Variants in GFPT2 observed in about 807,000 individuals in gnomAD.
The protein encoded by GFPT2 is glutamine--fructose-6-phosphate transaminase 2, also known as glutamine--fructose-6-phosphate aminotransferase [isomerizing] 2.
GFPT2 carries 62 observed loss-of-function variants against 85.6 expected under a neutral mutation model. That is an observed-to-expected ratio of 0.72 (90% CI 0.59 to 0.90). The LOEUF is 0.90. GFPT2 is among the 40% of genes least tolerant of loss of function. GFPT2 has a pLI of 0.00. For synonymous variants in GFPT2, 368 were observed against 344.5 expected (o/e 1.07, Z -0.75); for missense variants, 788 against 893.4 (o/e 0.88, Z 1.50).
Position 180,302,552 on chromosome 5 carries a change from A to T in GFPT2, c.1875T>A (p.Asp625Glu). 6.2e-7 allele frequency: 1 copy of T among 1,614,060 alleles called. No individual in the cohort carries two copies. Among genetic ancestry groups the T allele is most frequent in the Non-Finnish European group, 8.5e-7 (1 of 1,179,920 alleles). Reference protein sequence around the residue: ...GRPIILCSKDDTESSKFAYKT... With the variant: ...GRPIILCSKDETESSKFAYKT... ...TATACGCAAACTTGGAACTTTCAGT[A>T]TCGTCCTTGGAGCACAGTATAATGG... The change falls in exon 18 of 19, where the codon GAT (aspartate) becomes GAA (glutamate). Residue 625 changes from aspartate (D) to glutamate (E), a missense_variant. Coordinates refer to ENST00000253778, the MANE Select transcript of GFPT2 (RefSeq NM_005110.4).
At chr5:180,310,058 C>T (rs1763850688) in intron 15 of GFPT2, among the ~76,000 whole-genome samples, 1 of 151,722 alleles carries the variant, frequency 6.6e-6, no homozygotes, top group African/African-American at 2.4e-5. Context: ...GATCTGCCTG[C>T]CTCGACCTCC....
chr5:180,331,771 A>G (rs1764305354), intron 4 of GFPT2: 1 of 562,254 alleles, frequency 1.8e-6, no homozygotes, highest in Non-Finnish European at 3.2e-6. Flanking sequence ...CGGCTACTAC[A>G]ATGGGATCCG....
intron 14 of GFPT2, 152 bp downstream of exon 14, chr5:180,313,655 G>A (rs1763943058): frequency 2.4e-6 from 1 of 421,558 alleles, no homozygotes; most frequent in Non-Finnish European, 4.1e-6. Context: ...ATCCAAGAGG[G>A]GAGGGGAAAG....
chr5:180,328,270 G>T lies in GFPT2; in HGVS notation c.596+7C>A. 1 of 1,598,400 alleles carries T rather than the reference G, an allele frequency of 6.3e-7. No homozygotes were observed. Among genetic ancestry groups the T allele is most frequent in the Non-Finnish European group, 8.6e-7 (1 of 1,165,732 alleles). On this transcript the variant is annotated splice_region_variant and intron_variant, in intron 7 of 18. Transcript: ENST00000253778. The surrounding 1 kb of genome is among the most constrained non-coding windows in gnomAD (Gnocchi z 5.4). Reference sequence around the variant, plus strand: ...CTTATGGGAAATGCCAGTGTGTTTTGCCTCACCGTGTGGCAACGGCTTCTC... The same window carrying T: ...CTTATGGGAAATGCCAGTGTGTTTTTCCTCACCGTGTGGCAACGGCTTCTC...
At chr5:180,340,914 C>A (rs1328818652) in intron 1 of GFPT2, among the ~76,000 whole-genome samples, 2 of 152,176 alleles carry the variant, frequency 1.3e-5, no homozygotes, top group African/African-American at 2.4e-5. Context: ...GACCACCATG[C>A]AGCTGAGGAT....
intron 1 of GFPT2, among the ~76,000 whole-genome samples, chr5:180,343,983 C>T (rs528448378): frequency 4.1e-4 from 63 of 152,354 alleles, no homozygotes; most frequent in African/African-American, 1.5e-3. Context: ...CATGTGCACA[C>T]GTGCGAGGAC....
At position 180,302,408 on chromosome 5, in the gene GFPT2, A is replaced by G. The variant is rs1472272731; in HGVS notation, c.2004+15T>C. On this transcript the variant is annotated intron_variant, in intron 18 of 18. Coordinates refer to ENST00000253778, the MANE Select transcript of GFPT2 (RefSeq NM_005110.4). ...GTCTCTCCTCTCTGCTGTTAGGTGCAGTTTTTAGACGCACGTCATATCCTC... is the reference window on the plus strand; with the variant it reads ...GTCTCTCCTCTCTGCTGTTAGGTGCGGTTTTTAGACGCACGTCATATCCTC... The G allele has an allele frequency of 6.2e-6, 10 of 1,607,326 alleles. No individual in the cohort carries two copies. The African/African-American group carries it at 1.1e-4, about 17-fold the overall frequency.
In GFPT2 at chr5:180,307,313, G is replaced by T. The variant is rs1234205973; in HGVS notation, c.1547-10C>A. 1.2e-6 allele frequency: 2 copies of T among 1,613,614 alleles called. No individual in the cohort carries two copies. The highest frequency in any genetic ancestry group is 2.2e-5 in the South Asian group (2 of 91,056). ...ACTTCCTTGATCAGCTCTGGGCCAT[G>T]CACGGAGCAGAGGGAGAAAACCAGT... On this transcript the variant is annotated splice_polypyrimidine_tract_variant and intron_variant, in intron 15 of 18. Coordinates refer to ENST00000253778, the MANE Select transcript of GFPT2 (RefSeq NM_005110.4).
chr5:180,302,368 G>C, intron 18 of GFPT2, 55 bp downstream of exon 18: 1 of 1,338,558 alleles, frequency 7.5e-7, no homozygotes, highest in Non-Finnish European at 1.1e-6. Flanking sequence ...GAACAGAAAG[G>C]AACTCTGGGG....
At chr5:180,342,635 C>G (rs529226918) in intron 1 of GFPT2, among the ~76,000 whole-genome samples, 9 of 152,270 alleles carry the variant, frequency 5.9e-5, no homozygotes, top group African/African-American at 2.2e-4. Flanking sequence ...AGCGCAGTGG[C>G]TCACGCCTGT....
chr5:180,312,512 C>T lies in GFPT2; in HGVS notation c.1464G>A (p.Met488Ile), dbSNP rs541208940. Reference sequence around the variant, plus strand: ...GGTCTTCAGACATCATCAAACCAAACATCACCAGAGAGATGAACTGACTGG... The same window carrying T: ...GGTCTTCAGACATCATCAAACCAAATATCACCAGAGAGATGAACTGACTGG... ...AYTSQFISLV[M>I]FGLMMSEDRI... is the part of the protein sequence containing the mutation. The change falls in exon 15 of 19, where the codon ATG becomes ATA. Residue 488 changes from methionine (M) to isoleucine (I), a missense_variant. Coordinates refer to ENST00000253778, the MANE Select transcript of GFPT2 (RefSeq NM_005110.4). 1.2e-6 allele frequency: 2 copies of T among 1,607,572 alleles called. No homozygotes were observed. The highest frequency in any genetic ancestry group is 1.7e-6 in the Non-Finnish European group (2 of 1,173,968).
At chr5:180,307,155 G>T (rs1561871609) in intron 16 of GFPT2, 21 bp downstream of exon 16, 1 of 960,438 alleles carries the variant, frequency 1.0e-6, no homozygotes. Flanking sequence ...GTGGGGGTGG[G>T]GGCTGGGGGT....
At position 180,312,195 on chromosome 5, in the gene GFPT2, C is replaced by CA. The variant is rs1763906658; in HGVS notation, c.1546+234_1546+235insT. Among the ~76,000 whole-genome samples the CA allele has an allele frequency of 3.0e-5, 2 of 67,128 alleles. 1 individual carries two copies. Among genetic ancestry groups the CA allele is most frequent in the Non-Finnish European group, 5.6e-5 (2 of 35,958 alleles). 44.0% of individuals were successfully genotyped at this position (67,128 alleles called of 152,430 possible). On this transcript the variant is annotated intron_variant, in intron 15 of 18. Coordinates refer to ENST00000253778, the MANE Select transcript of GFPT2 (RefSeq NM_005110.4). Reference sequence around the variant, plus strand: ...GCAGGGAGGCTGAGGACCAGGGAGGCGGGGAGGCAGGGAGGCAGGGAGGCA... The same window carrying CA: ...GCAGGGAGGCTGAGGACCAGGGAGGCAGGGGAGGCAGGGAGGCAGGGAGGCA...
intron 16 of GFPT2, among the ~76,000 whole-genome samples, 164 bp from the exon 17 acceptor site, chr5:180,305,103 C>T (rs1160480314): frequency 6.6e-6 from 1 of 152,100 alleles, no homozygotes; most frequent in Non-Finnish European, 1.5e-5. Flanking sequence ...ACTGAGGACA[C>T]CCAGCAAGGG....
At chr5:180,342,470 T>C (rs541810707) in intron 1 of GFPT2, among the ~76,000 whole-genome samples, 85 of 150,322 alleles carry the variant, frequency 5.7e-4, no homozygotes, top group African/African-American at 2.0e-3. Flanking sequence ...AGTGCAGTGT[T>C]GTGATCTCGG....
intron 17 of GFPT2, among the ~76,000 whole-genome samples, chr5:180,303,005 G>A (rs543340870): frequency 1.1e-4 from 16 of 151,600 alleles, no homozygotes; most frequent in African/African-American, 3.4e-4. Flanking sequence ...TGAGGCGGGT[G>A]GATCACGAGG....
At chr5:180,347,317 C>A (rs911065998) in intron 1 of GFPT2, among the ~76,000 whole-genome samples, 1 of 152,244 alleles carries the variant, frequency 6.6e-6, no homozygotes, top group African/African-American at 2.4e-5. Context: ...GCCCAGGTGG[C>A]TTGGAGAAAG....
chr5:180,316,730 C>T (rs6893693), intron 12 of GFPT2, 34 bp downstream of exon 12: 120,929 of 1,457,792 alleles, frequency 0.083, 6,029 homozygotes, highest in African/African-American at 0.17. Flanking sequence ...CCTAGACTGC[C>T]GTCGACTTCC....
At position 180,316,757 on chromosome 5, in the gene GFPT2, CACTT is replaced by C. The variant is rs1213275416; in HGVS notation, c.1152+3_1152+6del. ...TCGACTTCCCCACGCACATGTGTCA[CACTT>C]ACAGCCACGGCAGCGTGGTAGCTGG... On this transcript the variant is annotated splice_donor_5th_base_variant and intron_variant, in intron 12 of 18. Transcript: ENST00000253778. 5.0e-6 allele frequency: 8 copies of C among 1,598,728 alleles called. No individual in the cohort carries two copies. Among genetic ancestry groups the C allele is most frequent in the Non-Finnish European group, 5.1e-6 (6 of 1,166,636 alleles).
Sources: allele counts gnomAD v4.1 joint callset (sites outside exome capture counted in the v4.1 genomes callset), GRCh38; gene constraint gnomAD v4.1.1; non-coding constraint Gnocchi (gnomAD v3.1); transcripts MANE v1.5; gene names NCBI Gene and HGNC (gene_info 2026-07-23, HGNC 2026-07-21).